Variants in ZFHX3 observed in about 807,000 individuals in gnomAD.
ZFHX3 encodes the protein zinc finger homeobox 3, also known as zinc finger homeobox protein 3.
A neutral mutation model predicts 279.1 loss-of-function variants in ZFHX3; 42 were observed. That is an observed-to-expected ratio of 0.15 (90% CI 0.12 to 0.19). The LOEUF is 0.19. ZFHX3 is among the 10% of genes least tolerant of loss of function. ZFHX3 has a pLI of 1.00. For missense variants in ZFHX3, 4,981 were observed against 4,754.0 expected (o/e 1.05, Z -1.40); for synonymous variants, 2,293 against 1,957.8 (o/e 1.17, Z -4.52).
At chr16:73,206,742 G>T (rs1369935917) in intron 5 of ZFHX3, among the ~76,000 whole-genome samples, 1 of 152,128 alleles carries the variant, frequency 6.6e-6, no homozygotes, top group Non-Finnish European at 1.5e-5. Flanking sequence ...TGTAGGCCGG[G>T]CATGGTGGCT....
At chr16:73,734,856 G>T (rs2053596365) in intron 1 of ZFHX3, among the ~76,000 whole-genome samples, 1 of 152,096 alleles carries the variant, frequency 6.6e-6, no homozygotes, top group Non-Finnish European at 1.5e-5. Context: ...TTCTGTGCAT[G>T]TTATCTTTAA....
chr16:73,781,426 G>C (rs79727919), intron 1 of ZFHX3, among the ~76,000 whole-genome samples: 9,232 of 150,888 alleles, frequency 0.061, 481 homozygotes, highest in African/African-American at 0.13. Context: ...GTAGATCATG[G>C]TTTGGCAAAC....
intron 3 of ZFHX3, among the ~76,000 whole-genome samples, chr16:72,924,215 C>T (rs925599083): frequency 6.6e-6 from 1 of 152,202 alleles, no homozygotes; most frequent in African/African-American, 2.4e-5. Flanking sequence ...ACTTAAACGA[C>T]TTTAGATTTG....
chr16:72,933,893 A>ACTGCAAG (rs1959965035), intron 3 of ZFHX3, among the ~76,000 whole-genome samples: 1 of 140,958 alleles, frequency 7.1e-6, no homozygotes, highest in African/African-American at 2.6e-5. Flanking sequence ...ATCTCGGCTC[A>ACTGCAAG]CTGCAAGCTC....
intron 1 of ZFHX3, among the ~76,000 whole-genome samples, chr16:73,720,701 A>G (rs1026445869): frequency 6.6e-6 from 1 of 152,184 alleles, no homozygotes; most frequent in African/African-American, 2.4e-5. Context: ...TGATAATTGT[A>G]TAGTTAGTTT....
At chr16:73,742,764 T>A (rs1399649249) in intron 1 of ZFHX3, among the ~76,000 whole-genome samples, 1 of 152,206 alleles carries the variant, frequency 6.6e-6, no homozygotes, top group Non-Finnish European at 1.5e-5. Context: ...GAGCTAGGAA[T>A]TAGTTCATGG....
chr16:73,795,388 G>C (rs113817580), intron 1 of ZFHX3, among the ~76,000 whole-genome samples: 1,874 of 152,278 alleles, frequency 0.012, 19 homozygotes, highest in Non-Finnish European at 0.021. Flanking sequence ...TCAGGGCCAA[G>C]ACCTGAGAGG....
At chr16:73,421,598 A>G (rs971674458) in intron 3 of ZFHX3, among the ~76,000 whole-genome samples, 6 of 152,208 alleles carry the variant, frequency 3.9e-5, no homozygotes, top group African/African-American at 1.4e-4. Context: ...GCCAGTAAAA[A>G]TCAACAGAAA....
intron 3 of ZFHX3, among the ~76,000 whole-genome samples, chr16:73,341,394 G>T (rs755794797): frequency 6.6e-6 from 1 of 152,010 alleles, no homozygotes; most frequent in Non-Finnish European, 1.5e-5. Context: ...ATGGATGAAG[G>T]ATGTGAACAG....
At chr16:72,909,327 G>A (rs1361283580) in intron 3 of ZFHX3, among the ~76,000 whole-genome samples, 5 of 152,052 alleles carry the variant, frequency 3.3e-5, no homozygotes, top group South Asian at 2.1e-4. Flanking sequence ...ATTCTGCCAC[G>A]GCAGCACATA....
chr16:72,985,306 G>C (rs917415488), intron 1 of ZFHX3, among the ~76,000 whole-genome samples: 2 of 152,178 alleles, frequency 1.3e-5, no homozygotes, highest in African/African-American at 4.8e-5. Flanking sequence ...GTCATCTTAT[G>C]ATCAACTATG....
intron 2 of ZFHX3, among the ~76,000 whole-genome samples, chr16:73,639,524 A>C (rs924094066): frequency 6.6e-6 from 1 of 152,210 alleles, no homozygotes; most frequent in Non-Finnish European, 1.5e-5. Context: ...AGTTAATATT[A>C]AAACAGAAAC....
chr16:73,289,661 A>T (rs2014719115), intron 4 of ZFHX3, among the ~76,000 whole-genome samples: 1 of 151,476 alleles, frequency 6.6e-6, no homozygotes, highest in Non-Finnish European at 1.5e-5. Context: ...TTCCTAGTAC[A>T]CCCGCTCTGC....
intron 1 of ZFHX3, among the ~76,000 whole-genome samples, chr16:73,032,955 C>T (rs577801758): frequency 4.6e-5 from 7 of 152,180 alleles, no homozygotes; most frequent in Non-Finnish European, 1.0e-4. Context: ...GGCAGGGCTG[C>T]GGCCAGACCC....
intron 1 of ZFHX3, among the ~76,000 whole-genome samples, chr16:73,718,907 C>A (rs533294320): frequency 3.9e-5 from 6 of 152,140 alleles, no homozygotes; most frequent in Non-Finnish European, 8.8e-5. Context: ...AGCCACTGCG[C>A]CTGGCCTGAA....
rs751170472 is a variant in ZFHX3 at position 72,960,038 on chromosome 16, G to C, written c.108C>G (p.Pro36=). The C allele has an allele frequency of 2.5e-6, 4 of 1,614,058 alleles. No individual in the cohort carries two copies. The highest frequency in any genetic ancestry group is 1.1e-5 in the South Asian group (1 of 91,074). The change falls in exon 2 of 10, where the codon CCC becomes CCG. Residue 36 remains proline, a synonymous_variant. Transcript: ENST00000268489. ...CGCCTGTGGACTGCTCCATGCTACT[G>C]GGTTTGTCAGGGAGGTGGGTGCTGT... ...ELNSTHLPDK[P]SSMEQSTGES...
At chr16:73,094,191 T>C (rs969929157) in intron 7 of ZFHX3, among the ~76,000 whole-genome samples, 4 of 152,186 alleles carry the variant, frequency 2.6e-5, no homozygotes, top group African/African-American at 9.7e-5. Context: ...AGCATTCTTT[T>C]TGGAAACACA....
intron 8 of ZFHX3, among the ~76,000 whole-genome samples, chr16:73,091,536 T>C (rs1966082282): frequency 6.6e-6 from 1 of 152,180 alleles, no homozygotes; most frequent in Admixed American, 6.5e-5. Flanking sequence ...CTATGTCAAA[T>C]GGTCCCTAGC....
intron 2 of ZFHX3, among the ~76,000 whole-genome samples, chr16:73,515,554 GAGAA>G (rs144099102): frequency 0.056 from 8,411 of 150,356 alleles, 884 homozygotes; most frequent in African/African-American, 0.2. Context: ...AAGAGAGGGA[GAGAA>G]AGAGAGAGAA....
Sources: allele counts gnomAD v4.1 joint callset (sites outside exome capture counted in the v4.1 genomes callset), GRCh38; gene constraint gnomAD v4.1.1; transcripts MANE v1.5; gene names NCBI Gene and HGNC (gene_info 2026-07-23, HGNC 2026-07-21).